JARID2: variants seen among roughly 807,000 people sequenced by gnomAD.
JARID2 encodes protein Jumonji.
A neutral mutation model predicts 125.6 loss-of-function variants in JARID2; 21 were observed. The observed-to-expected ratio is 0.17, with a 90% CI of 0.12 to 0.24. The LOEUF (loss-of-function observed/expected upper bound fraction) is 0.24, where lower values mean the gene tolerates loss of function less well. Among genes scored for constraint, JARID2 ranks in the 10% least tolerant of loss-of-function variants. The pLI, the probability that JARID2 is intolerant of heterozygous loss-of-function variation, is 1.00. For missense variants in JARID2, 1,303 were observed against 1,639.6 expected (o/e 0.79, Z 3.55); for synonymous variants, 736 against 661.6 (o/e 1.11, Z -1.73).
chr6:15,309,768 C>T (rs979057895), intron 1 of JARID2, among the ~76,000 whole-genome samples: 1 of 151,812 alleles, frequency 6.6e-6, no homozygotes, highest in Non-Finnish European at 1.5e-5. Flanking sequence ...TGAGGGATGA[C>T]AGAAGGCTTG....
At chr6:15,323,775 A>C (rs1449166905) in intron 1 of JARID2, among the ~76,000 whole-genome samples, 3 of 150,814 alleles carry the variant, frequency 2.0e-5, no homozygotes, top group Non-Finnish European at 4.4e-5. Context: ...TGCGCCTGTA[A>C]TCCCAGCTAC....
chr6:15,354,138 A>G (rs1175854280), intron 1 of JARID2, among the ~76,000 whole-genome samples: 1 of 152,220 alleles, frequency 6.6e-6, no homozygotes, highest in African/African-American at 2.4e-5. Flanking sequence ...AGGTGAGCCC[A>G]ATGTAATCAC....
Position 15,400,960 on chromosome 6 carries a change from C to G in JARID2, c.182-9264C>G, listed in dbSNP as rs542900668. ...TGATCCGGCTCTGAGGATGGCTGCT[C>G]CACGGGTCTGTCAGGTGCAGTTTTT... is the stretch of plus-strand genomic sequence containing the variant. On this transcript the variant is annotated intron_variant, in intron 2 of 17. Coordinates refer to ENST00000341776, the MANE Select transcript of JARID2 (RefSeq NM_004973.4). 5.4e-6 allele frequency: 7 copies of G among 1,289,486 alleles called. 1 individual carries two copies. The highest frequency in any genetic ancestry group is 2.1e-4 in the Middle Eastern group (1 of 4,688). 79.9% of individuals were successfully genotyped at this position (1,289,486 alleles called of 1,614,324 possible). A position where few individuals can be genotyped will look rare whatever the true frequency, so the allele number is the denominator to read the frequency against.
intron 3 of JARID2, among the ~76,000 whole-genome samples, chr6:15,411,799 T>C (rs1765888729): frequency 6.6e-6 from 1 of 152,252 alleles, no homozygotes; most frequent in South Asian, 2.1e-4. Flanking sequence ...TCTCTGAGTC[T>C]GGGCACCCAC....
intron 1 of JARID2, among the ~76,000 whole-genome samples, chr6:15,327,701 A>G (rs1473360055): frequency 2.6e-5 from 4 of 152,182 alleles, no homozygotes; most frequent in African/African-American, 9.7e-5. Context: ...TCTGGGGTAA[A>G]ACAGCAGAAC....
At chr6:15,517,085 G>A in intron 16 of JARID2, 76 bp from the exon 17 acceptor site, 1 of 1,082,014 alleles carries the variant, frequency 9.2e-7, no homozygotes, top group Admixed American at 1.7e-5. Flanking sequence ...GCCCGGCCGG[G>A]CGTGCTCCTA....
intron 1 of JARID2, among the ~76,000 whole-genome samples, chr6:15,295,464 T>A (rs1226984249): frequency 1.3e-5 from 2 of 152,130 alleles, no homozygotes; most frequent in Non-Finnish European, 2.9e-5. Flanking sequence ...GTAATAAGAT[T>A]TGTGGAGTAA....
chr6:15,489,937 C>T (rs148314543), intron 6 of JARID2, among the ~76,000 whole-genome samples: 61 of 152,334 alleles, frequency 4.0e-4, no homozygotes, highest in Middle Eastern at 3.4e-3. Context: ...ACCCATGGCT[C>T]CAGATTCTAA....
At chr6:15,498,074 G>A (rs1581647984) in intron 7 of JARID2, among the ~76,000 whole-genome samples, 1 of 152,174 alleles carries the variant, frequency 6.6e-6, no homozygotes, top group Non-Finnish European at 1.5e-5. Context: ...AGGTACTGGA[G>A]GTCAGGGCTT....
At chr6:15,473,230 A>C (rs1200108093) in intron 5 of JARID2, among the ~76,000 whole-genome samples, 1 of 152,220 alleles carries the variant, frequency 6.6e-6, no homozygotes, top group Non-Finnish European at 1.5e-5. Context: ...CTCCTAAATC[A>C]AATAAGATTA....
At chr6:15,250,945 A>G (rs1759424494) in intron 1 of JARID2, among the ~76,000 whole-genome samples, 1 of 151,184 alleles carries the variant, frequency 6.6e-6, no homozygotes, top group Non-Finnish European at 1.5e-5. Flanking sequence ...TTCAGAGAAG[A>G]CACGAGAATG....
intron 1 of JARID2, chr6:15,248,389 G>C (rs1759274411): frequency 7.1e-6 from 1 of 140,300 alleles, no homozygotes; most frequent in Admixed American, 7.0e-5. Flanking sequence ...GCGCGGGGGT[G>C]GCGCGGCCTG....
At chr6:15,300,718 T>TGAGA (rs1369406317) in intron 1 of JARID2, among the ~76,000 whole-genome samples, 3 of 140,622 alleles carry the variant, frequency 2.1e-5, no homozygotes, top group South Asian at 2.3e-4. Context: ...TGTGTGTGTG[T>TGAGA]GTGTGAGAGA....
Position 15,513,223 on chromosome 6 carries a change from C to T in JARID2, c.3267-16C>T, listed in dbSNP as rs1465381386. 1 of 1,553,898 alleles carries T rather than the reference C, an allele frequency of 6.4e-7. No homozygotes were observed. The highest frequency in any genetic ancestry group is 8.7e-7 in the Non-Finnish European group (1 of 1,146,924). ...GGCCGTCACTAAAGGTGCGGGCCGTCTCCCGTGTCTGGCAGGGATACAGAG... is the reference window on the plus strand; with the variant it reads ...GGCCGTCACTAAAGGTGCGGGCCGTTTCCCGTGTCTGGCAGGGATACAGAG... On this transcript the variant is annotated splice_polypyrimidine_tract_variant and intron_variant, in intron 15 of 17. Transcript: ENST00000341776.
At chr6:15,497,205 G>T (rs942843254) in intron 7 of JARID2, 35 bp downstream of exon 7, 3 of 1,448,092 alleles carry the variant, frequency 2.1e-6, no homozygotes, top group African/African-American at 2.8e-5. Context: ...GGTGGTGCCT[G>T]CCCTCCTGCC....
At position 15,378,769 on chromosome 6, in the gene JARID2, A is replaced by G. The variant is rs1281956201; in HGVS notation, c.181+4517A>G. 2.0e-5 allele frequency among the ~76,000 whole-genome samples: 3 copies of G among 152,276 alleles called. No homozygotes were observed. The South Asian group carries it at 6.2e-4, about 32-fold the overall frequency. On this transcript the variant is annotated intron_variant, in intron 2 of 17. Coordinates refer to ENST00000341776, the MANE Select transcript of JARID2 (RefSeq NM_004973.4). ...TTGTTTCTGGATCTTTGATTATTGGAAAATATAAATGGATGATTGGAGGCT... is the reference window on the plus strand; with the variant it reads ...TTGTTTCTGGATCTTTGATTATTGGGAAATATAAATGGATGATTGGAGGCT...
At chr6:15,267,240 A>G (rs1340698148) in intron 1 of JARID2, among the ~76,000 whole-genome samples, 2 of 152,110 alleles carry the variant, frequency 1.3e-5, no homozygotes, top group African/African-American at 4.8e-5. Context: ...CTCCTAAACT[A>G]TTCTCCCACT....
At chr6:15,418,406 C>T (rs767536594) in intron 3 of JARID2, among the ~76,000 whole-genome samples, 8 of 151,900 alleles carry the variant, frequency 5.3e-5, no homozygotes, top group South Asian at 2.1e-4. Context: ...TTAGTAGAGA[C>T]GGTTTCACCA....
intron 4 of JARID2, among the ~76,000 whole-genome samples, chr6:15,465,221 G>A (rs1259733895): frequency 6.6e-6 from 1 of 152,178 alleles, no homozygotes; most frequent in Admixed American, 6.5e-5. Flanking sequence ...TGGGAGATCA[G>A]GTGGGAAGAT....
Sources: allele counts gnomAD v4.1 joint callset (sites outside exome capture counted in the v4.1 genomes callset), GRCh38; gene constraint gnomAD v4.1.1; transcripts MANE v1.5; gene names NCBI Gene and HGNC (gene_info 2026-07-23, HGNC 2026-07-21).